ZNF581: variants seen among roughly 807,000 people sequenced by gnomAD.
ZNF581 encodes zinc finger protein 581.
In ZNF581, 1 loss-of-function variant was observed where a neutral mutation model predicts 1.2. The observed-to-expected ratio is 0.83, with a 90% CI of 0.30 to 3.95. The LOEUF (loss-of-function observed/expected upper bound fraction) is 3.95, where lower values mean the gene tolerates loss of function less well. Ranked by LOEUF, ZNF581 falls within the 30% of genes most tolerant of loss-of-function variation. ZNF581 has a pLI of 0.18. For missense variants in ZNF581, 273 were observed against 274.6 expected (o/e 0.99, Z 0.04); for synonymous variants, 105 against 109.2 (o/e 0.96, Z 0.24).
chr19:55,640,460 TC>T, upstream of ZNF581: 3 of 985,370 alleles, frequency 3.0e-6, no homozygotes, highest in Non-Finnish European at 3.6e-6. Flanking sequence ...ATATCACACC[TC>T]CCCACCTGCG....
At chr19:55,642,633 C>T (rs776426481), upstream of ZNF581, 1 of 1,439,772 alleles carries the variant, frequency 6.9e-7, no homozygotes, top group Non-Finnish European at 9.1e-7. Flanking sequence ...CCTTCCTCGG[C>T]GGCGGGGCCC....
chr19:55,635,939 G>A (rs1022767726), intron 1 of ZNF581, among the ~76,000 whole-genome samples: 1 of 152,166 alleles, frequency 6.6e-6, no homozygotes, highest in Non-Finnish European at 1.5e-5. Flanking sequence ...AATTCCCAGG[G>A]CGAGGAAAAC....
Position 55,644,943 on chromosome 19 carries a change from C to T in ZNF581, c.372C>T (p.Phe124=), listed in dbSNP as rs774990475. 2.5e-6 allele frequency: 4 copies of T among 1,613,310 alleles called. No homozygotes were observed. In the South Asian group the frequency reaches 4.4e-5, roughly 18 times the overall value. The change falls in exon 2 of 2, where the codon TTC becomes TTT. Residue 124 remains phenylalanine (F), a synonymous_variant. Transcript: ENST00000270451. This position sits in a 1 kb window ranked among gnomAD's most constrained non-coding sequence, Gnocchi z 4.3. ...AGTGTGACATCTGTGGGAAGGCATTCAAGCGCGCCAGCCACTTGGCACGGC... is the reference window on the plus strand; with the variant it reads ...AGTGTGACATCTGTGGGAAGGCATTTAAGCGCGCCAGCCACTTGGCACGGC... ...PFECDICGKA[F]KRASHLARHH...
chr19:55,641,197 GA>G, upstream of ZNF581: 2 of 985,112 alleles, frequency 2.0e-6, no homozygotes, highest in Non-Finnish European at 2.4e-6. Flanking sequence ...CGGGGGCCGG[GA>G]TGGAGGGAGG....
rs759556031 is a variant in ZNF581, at chr19:55,644,686, A to T, written c.115A>T (p.Ile39Phe). The change falls in exon 2 of 2, where the codon ATC becomes TTC. Residue 39 changes from isoleucine to phenylalanine, a missense_variant. By Grantham distance (21) the Ile-to-Phe change is conservative (BLOSUM62 0). Coordinates refer to ENST00000270451, the MANE Select transcript of ZNF581 (RefSeq NM_016535.4). The surrounding 1 kb of genome is among the most constrained non-coding windows in gnomAD (Gnocchi z 4.3). ...CCCAGAACCTGGACCTTCCTCCTCC[A>T]TCGGATCTCCCCAGGCTTCATCTCC... Reference protein sequence around the residue: ...RSPEPGPSSSIGSPQASSPPR... With the variant: ...RSPEPGPSSSFGSPQASSPPR... The T allele has an allele frequency of 6.2e-7, 1 of 1,613,378 alleles. No homozygotes were observed. Among genetic ancestry groups the T allele is most frequent in the Non-Finnish European group, 8.5e-7 (1 of 1,179,714 alleles).
At chr19:55,641,268 C>G, upstream of ZNF581, 1 of 859,584 alleles carries the variant, frequency 1.2e-6, no homozygotes, top group Non-Finnish European at 1.4e-6. Context: ...TGGAGCCACC[C>G]GGGATGGGGG....
upstream of ZNF581, chr19:55,643,044 G>A: frequency 7.4e-7 from 1 of 1,350,396 alleles, no homozygotes; most frequent in Non-Finnish European, 9.5e-7. Flanking sequence ...GACCCGGCCT[G>A]TGCTGCCCTG....
chr19:55,642,812 G>A, upstream of ZNF581: 1 of 1,572,228 alleles, frequency 6.4e-7, no homozygotes, highest in South Asian at 1.2e-5. Context: ...CCGTGTCTTT[G>A]CCAGCCCTCT....
At chr19:55,641,261 A>C, upstream of ZNF581, 6 of 917,016 alleles carry the variant, frequency 6.5e-6, no homozygotes, top group Non-Finnish European at 7.8e-6. Flanking sequence ...AGTGCGCTGG[A>C]GCCACCCGGG....
upstream of ZNF581, chr19:55,643,060 C>A: frequency 7.5e-7 from 1 of 1,341,232 alleles, no homozygotes; most frequent in Non-Finnish European, 9.6e-7. Flanking sequence ...CCCTGCCCGT[C>A]TCAGGGCCAC....
At chr19:55,638,827 A>G (rs941145483), upstream of ZNF581, among the ~76,000 whole-genome samples, 2 of 151,966 alleles carry the variant, frequency 1.3e-5, no homozygotes. Context: ...TCTCTACCAA[A>G]AATATAAAAT....
upstream of ZNF581, among the ~76,000 whole-genome samples, chr19:55,638,896 T>G (rs1982253966): frequency 6.6e-6 from 1 of 150,966 alleles, no homozygotes; most frequent in South Asian, 2.1e-4. Flanking sequence ...TCTCAGCTAT[T>G]TGGGAGGTGG....
chr19:55,640,997 C>T (rs944985930), upstream of ZNF581: 3 of 985,386 alleles, frequency 3.0e-6, no homozygotes, highest in Non-Finnish European at 2.4e-6. Flanking sequence ...GCGCTTCCGG[C>T]CGGCGCCTTT....
chr19:55,642,691 C>T (rs1211769686), upstream of ZNF581: 1 of 1,472,236 alleles, frequency 6.8e-7, no homozygotes, highest in Non-Finnish European at 9.0e-7. Context: ...CCAATGGGGT[C>T]CCCTACACAT....
At chr19:55,643,274 C>T (rs1178702841), upstream of ZNF581, 13 of 492,396 alleles carry the variant, frequency 2.6e-5, no homozygotes, top group Non-Finnish European at 4.0e-5. Flanking sequence ...GGGTTCCAGT[C>T]CAGCTGTGCT....
chr19:55,645,400 C>A lies in ZNF581; in HGVS notation c.*235C>A. The A allele has an allele frequency of 2.3e-6, 1 of 427,632 alleles. No individual in the cohort carries two copies. The highest frequency in any genetic ancestry group is 4.3e-6 in the Non-Finnish European group (1 of 232,908). The allele number at this position is 427,632 out of a possible 1,614,324, so 26.5% of individuals were successfully genotyped here. On this transcript the variant is annotated 3_prime_UTR_variant, in exon 2 of 2. Transcript: ENST00000270451. ...CCCTACACAGAATGGAGTCCTCTAG[C>A]CTAAAGATATCAGCTGTTCCATGGC... is the stretch of plus-strand genomic sequence containing the variant.
chr19:55,642,919 G>A (rs1379341134), upstream of ZNF581: 5 of 1,513,178 alleles, frequency 3.3e-6, no homozygotes, highest in South Asian at 1.2e-5. Flanking sequence ...ACCTGTCGCG[G>A]CATCGCGCCA....
At chr19:55,642,840 G>A, upstream of ZNF581, 7 of 1,575,072 alleles carry the variant, frequency 4.4e-6, no homozygotes, top group Non-Finnish European at 6.0e-6. Flanking sequence ...CAGAGCCACC[G>A]CGTGTCGCAC....
upstream of ZNF581, chr19:55,642,880 CT>C: frequency 6.4e-7 from 1 of 1,565,290 alleles, no homozygotes; most frequent in East Asian, 2.4e-5. Flanking sequence ...CGTGCGGCGC[CT>C]GCGGCAAGGC....
Sources: gnomAD v4.1 joint callset for allele counts (sites outside exome capture counted in the v4.1 genomes callset) on GRCh38, gnomAD v4.1.1 for gene constraint, Gnocchi (gnomAD v3.1) non-coding constraint, MANE v1.5 for transcripts, NCBI Gene and HGNC (gene_info 2026-07-23, HGNC 2026-07-21) for gene names.